The following NR3C2 variants were observed in gnomAD, a reference collection of about 807,000 sequenced individuals.
NR3C2 encodes mineralocorticoid receptor.
A neutral mutation model predicts 86.4 loss-of-function variants in NR3C2; 15 were observed. The ratio of observed to expected loss-of-function variants is 0.17; its 90% CI spans 0.12 to 0.27. The LOEUF (loss-of-function observed/expected upper bound fraction) is 0.27. NR3C2 is among the 10% of genes least tolerant of loss of function. The pLI is 1.00. For missense variants in NR3C2, 960 were observed against 1,195.6 expected (o/e 0.80, Z 2.91); for synonymous variants, 458 against 450.5 (o/e 1.02, Z -0.21).
rs1251027213 is a variant in NR3C2 at position 148,080,682 on chromosome 4, C to A, written c.*662G>T. The A allele has an allele frequency of 2.0e-5, 5 of 255,110 alleles. No homozygotes were observed. Among genetic ancestry groups the A allele is most frequent in the African/African-American group, 1.1e-4 (5 of 45,366 alleles). The allele number at this position is 255,110 out of a possible 1,614,324, so 15.8% of individuals were successfully genotyped here. ...CAAAAAATTATTTGTAAAGCCAACA[C>A]AATAGATACTAGAAATCAAACCAAG... On this transcript the variant is annotated 3_prime_UTR_variant, in exon 9 of 9. Coordinates refer to ENST00000358102, the MANE Select transcript of NR3C2 (RefSeq NM_000901.5).
intron 2 of NR3C2, among the ~76,000 whole-genome samples, chr4:148,424,548 A>G (rs1749437387): frequency 6.6e-6 from 1 of 152,218 alleles, no homozygotes; most frequent in African/African-American, 2.4e-5. Flanking sequence ...GTCTACCAAC[A>G]GGTAAATGGA....
chr4:148,400,577 G>A (rs1048220445), intron 2 of NR3C2, among the ~76,000 whole-genome samples: 9 of 151,896 alleles, frequency 5.9e-5, no homozygotes, highest in South Asian at 2.1e-4. Flanking sequence ...TCAGGAGTTC[G>A]AGACCAGCCT....
chr4:148,112,085 T>C (rs1732070701), intron 8 of NR3C2, among the ~76,000 whole-genome samples: 1 of 152,084 alleles, frequency 6.6e-6, no homozygotes, highest in South Asian at 2.1e-4. Context: ...AAACTATTCA[T>C]TGAGTTCCTA....
intron 2 of NR3C2, among the ~76,000 whole-genome samples, chr4:148,324,123 A>C (rs1448840039): frequency 1.3e-5 from 2 of 152,152 alleles, no homozygotes; most frequent in Admixed American, 6.5e-5. Context: ...GATTAACCAG[A>C]GAAAACAGCA....
intron 2 of NR3C2, among the ~76,000 whole-genome samples, chr4:148,285,843 G>A (rs55838200): frequency 0.04 from 6,145 of 152,264 alleles, 394 homozygotes; most frequent in African/African-American, 0.14. Flanking sequence ...TAAAAAGTGC[G>A]ATGCTTTCTT....
intron 1 of NR3C2, among the ~76,000 whole-genome samples, chr4:148,438,467 T>C (rs1750181161): frequency 6.6e-6 from 1 of 152,246 alleles, no homozygotes; most frequent in Non-Finnish European, 1.5e-5. Flanking sequence ...TTTCAAAGTC[T>C]GTAAACAATC....
intron 2 of NR3C2, among the ~76,000 whole-genome samples, chr4:148,345,470 A>C (rs1188373027): frequency 1.3e-5 from 2 of 152,092 alleles, no homozygotes; most frequent in East Asian, 3.9e-4. Context: ...ATGACAAGTT[A>C]AAACAGAATA....
intron 4 of NR3C2, among the ~76,000 whole-genome samples, chr4:148,184,413 T>C (rs1002161864): frequency 2.6e-5 from 4 of 151,318 alleles, no homozygotes; most frequent in Admixed American, 6.6e-5. Context: ...GAGCATGCCA[T>C]TGCACTCCAG....
At chr4:148,227,560 T>C (rs546271736) in intron 3 of NR3C2, among the ~76,000 whole-genome samples, 2 of 152,360 alleles carry the variant, frequency 1.3e-5, no homozygotes, top group African/African-American at 4.8e-5. Flanking sequence ...TTTATCATTC[T>C]TATTTGTAAC....
chr4:148,442,676 G>A (rs1750412604), upstream of NR3C2: 18 of 985,290 alleles, frequency 1.8e-5, no homozygotes, highest in Non-Finnish European at 2.2e-5. Context: ...CGGGCGACAT[G>A]ACTGATACAA....
chr4:148,427,599 G>C (rs573734377), intron 2 of NR3C2, among the ~76,000 whole-genome samples: 12 of 151,754 alleles, frequency 7.9e-5, no homozygotes, highest in Non-Finnish European at 1.8e-4. Context: ...AGCCCAGCAC[G>C]GGAGTCTGTG....
intron 3 of NR3C2, among the ~76,000 whole-genome samples, chr4:148,248,690 T>A (rs1476635780): frequency 1.3e-5 from 2 of 152,154 alleles, no homozygotes; most frequent in African/African-American, 2.4e-5. Flanking sequence ...GACAAGGAAG[T>A]AAACACTCCA....
At chr4:148,277,800 C>A (rs1243595703) in intron 2 of NR3C2, among the ~76,000 whole-genome samples, 1 of 152,064 alleles carries the variant, frequency 6.6e-6, no homozygotes, top group Non-Finnish European at 1.5e-5. Context: ...TGCCAGACAC[C>A]CTGCTAGCTT....
At chr4:148,326,432 T>C (rs1352944046) in intron 2 of NR3C2, among the ~76,000 whole-genome samples, 1 of 151,702 alleles carries the variant, frequency 6.6e-6, no homozygotes, top group Admixed American at 6.6e-5. Context: ...AAATAAAAAA[T>C]AAAAAATAAA....
At chr4:148,120,322 C>T in intron 6 of NR3C2, 34 bp from the exon 7 acceptor site, 1 of 1,613,352 alleles carries the variant, frequency 6.2e-7, no homozygotes, top group Non-Finnish European at 8.5e-7. Context: ...TCTGAGAATG[C>T]AAGATTCATT....
At chr4:148,349,335 T>C (rs989502902) in intron 2 of NR3C2, among the ~76,000 whole-genome samples, 10 of 152,080 alleles carry the variant, frequency 6.6e-5, no homozygotes, top group Non-Finnish European at 1.3e-4. Flanking sequence ...GCTGACTCTC[T>C]ATTTTTTTTT....
At chr4:148,223,777 T>A (rs900833127) in intron 3 of NR3C2, among the ~76,000 whole-genome samples, 3 of 152,204 alleles carry the variant, frequency 2.0e-5, no homozygotes, top group African/African-American at 7.2e-5. Context: ...CAAATTACTT[T>A]AAGGTTATAA....
chr4:148,098,409 G>T (rs562668501), intron 8 of NR3C2, among the ~76,000 whole-genome samples: 20 of 152,250 alleles, frequency 1.3e-4, no homozygotes, highest in African/African-American at 4.6e-4. Context: ...AACATAGACA[G>T]CACTGGGGCT....
At chr4:148,115,330 G>A (rs1454264180) in intron 7 of NR3C2, among the ~76,000 whole-genome samples, 1 of 152,178 alleles carries the variant, frequency 6.6e-6, no homozygotes, top group African/African-American at 2.4e-5. Context: ...CCAGGTTTAG[G>A]ACAGAGTTTA....
Sources: allele counts gnomAD v4.1 joint callset (sites outside exome capture counted in the v4.1 genomes callset), GRCh38; gene constraint gnomAD v4.1.1; transcripts MANE v1.5; gene names NCBI Gene and HGNC (gene_info 2026-07-23, HGNC 2026-07-21).